The following CDH4 variants were observed in gnomAD, a reference collection of about 807,000 sequenced individuals.
CDH4 encodes cadherin-4.
A neutral mutation model predicts 86.0 loss-of-function variants in CDH4; 33 were observed. The observed-to-expected ratio is 0.38, with a 90% CI of 0.29 to 0.51. The LOEUF (loss-of-function observed/expected upper bound fraction) is 0.51, where lower values mean the gene tolerates loss of function less well. Among genes scored for constraint, CDH4 ranks in the 20% least tolerant of loss-of-function variants. The pLI, the probability that CDH4 is intolerant of heterozygous loss-of-function variation, is 0.86. For missense variants in CDH4, 1,114 were observed against 1,307.4 expected, an observed-to-expected ratio of 0.85 and a Z score of 2.28; for synonymous variants, 555 against 549.4, an observed-to-expected ratio of 1.01 and a Z score of -0.14.
At chr20:61,608,329 A>G (rs2086660097) in intron 2 of CDH4, among the ~76,000 whole-genome samples, 1 of 152,210 alleles carries the variant, frequency 6.6e-6, no homozygotes, top group Non-Finnish European at 1.5e-5. Context: ...AAATGGGTCC[A>G]GTCAAAGAGA....
intron 2 of CDH4, among the ~76,000 whole-genome samples, chr20:61,735,843 G>A (rs1047172315): frequency 6.6e-6 from 1 of 152,162 alleles, no homozygotes; most frequent in Non-Finnish European, 1.5e-5. Context: ...TGCAGCGGGG[G>A]CCACAGCCTT....
At chr20:61,440,730 T>C (rs2085310282) in intron 2 of CDH4, among the ~76,000 whole-genome samples, 1 of 152,202 alleles carries the variant, frequency 6.6e-6, no homozygotes. Flanking sequence ...TCTCGGCCCG[T>C]GGCGGGCGCC....
chr20:61,801,122 C>T (rs1353434933), intron 4 of CDH4, among the ~76,000 whole-genome samples: 3 of 152,204 alleles, frequency 2.0e-5, no homozygotes, highest in Non-Finnish European at 1.5e-5. Context: ...CAAGACGCCA[C>T]AGCACCGGGG....
At chr20:61,741,497 C>CTTTT (rs34240799) in intron 2 of CDH4, among the ~76,000 whole-genome samples, 3 of 148,220 alleles carry the variant, frequency 2.0e-5, no homozygotes, top group African/African-American at 7.4e-5. Flanking sequence ...TGTGCCTGTA[C>CTTTT]TTTTTTTTTT....
At chr20:61,890,823 A>G (rs1984788404) in intron 7 of CDH4, among the ~76,000 whole-genome samples, 1 of 152,074 alleles carries the variant, frequency 6.6e-6, no homozygotes, top group Admixed American at 6.5e-5. Flanking sequence ...TGGTTCCCTC[A>G]ACAGACACCG....
chr20:61,889,561 G>C (rs1272765971), intron 7 of CDH4, among the ~76,000 whole-genome samples: 1 of 142,420 alleles, frequency 7.0e-6, no homozygotes, highest in Non-Finnish European at 1.5e-5. Flanking sequence ...ATGATGGATG[G>C]GTAGATGGAT....
intron 2 of CDH4, among the ~76,000 whole-genome samples, chr20:61,577,298 G>T (rs2086389400): frequency 6.7e-6 from 1 of 149,880 alleles, no homozygotes; most frequent in Admixed American, 6.6e-5. Flanking sequence ...AAGGATGAGT[G>T]GATGTTTTGT....
intron 3 of CDH4, among the ~76,000 whole-genome samples, chr20:61,766,373 T>C (rs1294881176): frequency 6.6e-6 from 1 of 152,028 alleles, no homozygotes; most frequent in Non-Finnish European, 1.5e-5. Flanking sequence ...AGGCCCCCCT[T>C]GGCCCAGCCT....
rs532573364 is a variant in CDH4 at position 61,338,484 on chromosome 20, G to A, written c.169+83547G>A. Among the ~76,000 whole-genome samples, 6 of 152,240 alleles carry A rather than the reference G, an allele frequency of 3.9e-5. No homozygotes were observed. In the South Asian group the frequency reaches 6.2e-4, roughly 16 times the overall value. ...CTCGTTCTCCAGAAGAATGGGAATCGGCGAATGAGGCCCCGTCTGGACTTG... is the reference window on the plus strand; with the variant it reads ...CTCGTTCTCCAGAAGAATGGGAATCAGCGAATGAGGCCCCGTCTGGACTTG... On this transcript the variant is annotated intron_variant, in intron 2 of 15. Transcript: ENST00000614565.
chr20:61,300,146 C>T (rs760961487), intron 2 of CDH4, among the ~76,000 whole-genome samples: 1 of 152,016 alleles, frequency 6.6e-6, no homozygotes, highest in African/African-American at 2.4e-5. Flanking sequence ...ATGGGGAGGG[C>T]GGGTGGACAG....
rs755505295 is a variant in CDH4, at chr20:61,449,254, G to A, written c.169+194317G>A. ...GTGCATTTATCTCCACGGGGGGGCC[G>A]AGGGACCTTGAAACCAAGGTCAGTG... is the stretch of plus-strand genomic sequence containing the variant. On this transcript the variant is annotated intron_variant, in intron 2 of 15. Coordinates refer to ENST00000614565, the MANE Select transcript of CDH4 (RefSeq NM_001794.5). 1.3e-4 allele frequency among the ~76,000 whole-genome samples: 20 copies of A among 152,310 alleles called. 1 individual carries two copies. The highest frequency in any genetic ancestry group is 1.5e-4 in the Non-Finnish European group (10 of 68,026).
At position 61,811,075 on chromosome 20, in the gene CDH4, G is replaced by A. The variant is rs765536134; in HGVS notation, c.577-33593G>A. 1.3e-5 allele frequency among the ~76,000 whole-genome samples: 2 copies of A among 152,054 alleles called. No homozygotes were observed. Among genetic ancestry groups the A allele is most frequent in the African/African-American group, 2.4e-5 (1 of 41,392 alleles). ...TGACTGCCGCATCCTCAGCAGCCGC[G>A]CCACATCCTCAGCAGCCCCGCCACC... is the stretch of plus-strand genomic sequence containing the variant. On this transcript the variant is annotated intron_variant, in intron 4 of 15. Transcript: ENST00000614565. The surrounding 1 kb of genome is among the most constrained non-coding windows in gnomAD (Gnocchi z 4.4).
intron 2 of CDH4, among the ~76,000 whole-genome samples, chr20:61,722,604 C>T (rs554115774): frequency 6.6e-6 from 1 of 152,174 alleles, no homozygotes; most frequent in African/African-American, 2.4e-5. Context: ...CCACTCTGTC[C>T]CAAGGACTCT....
chr20:61,262,849 C>G (rs1434873005), intron 2 of CDH4, among the ~76,000 whole-genome samples: 1 of 147,744 alleles, frequency 6.8e-6, no homozygotes, highest in Non-Finnish European at 1.5e-5. Context: ...CCCCTCCCTC[C>G]CTCCCTTCCT....
intron 2 of CDH4, among the ~76,000 whole-genome samples, chr20:61,700,951 G>A (rs1026396802): frequency 5.9e-5 from 9 of 152,240 alleles, no homozygotes; most frequent in Non-Finnish European, 7.3e-5. Flanking sequence ...GTGTTCCAGG[G>A]CCGCCATAAC....
At chr20:61,507,320 T>G (rs1254905653) in intron 2 of CDH4, among the ~76,000 whole-genome samples, 1 of 152,218 alleles carries the variant, frequency 6.6e-6, no homozygotes, top group African/African-American at 2.4e-5. Context: ...TAACGTGGTG[T>G]TAAATTAGCT....
chr20:61,852,616 T>C (rs1204479910), intron 5 of CDH4, 138 bp from the exon 6 acceptor site: 1 of 712,850 alleles, frequency 1.4e-6, no homozygotes, highest in African/African-American at 1.8e-5. Context: ...TTCCATGACG[T>C]GTCCAAAGCC....
At chr20:61,815,597 T>C (rs1980676650) in intron 4 of CDH4, among the ~76,000 whole-genome samples, 1 of 152,194 alleles carries the variant, frequency 6.6e-6, no homozygotes, top group South Asian at 2.1e-4. Context: ...GACCCCCTGA[T>C]GAAACCTCCT....
intron 2 of CDH4, among the ~76,000 whole-genome samples, chr20:61,720,800 C>A (rs535006563): frequency 5.9e-5 from 9 of 152,236 alleles, no homozygotes; most frequent in African/African-American, 1.7e-4. Flanking sequence ...CGTGTTCTCT[C>A]ATTGTACCAT....
Sources: allele counts gnomAD v4.1 joint callset (sites outside exome capture counted in the v4.1 genomes callset), GRCh38; gene constraint gnomAD v4.1.1; non-coding constraint Gnocchi (gnomAD v3.1); transcripts MANE v1.5; gene names NCBI Gene and HGNC (gene_info 2026-07-23, HGNC 2026-07-21).